PPP1R21: variants seen among roughly 807,000 people sequenced by gnomAD.
PPP1R21 encodes protein phosphatase 1 regulatory subunit 21, also known as KLRAQ motif containing 1.
Under a neutral mutation model 112.8 loss-of-function variants are expected in PPP1R21, and 85 were observed. That is an observed-to-expected ratio of 0.75 (90% confidence interval 0.63 to 0.90). PPP1R21 has a LOEUF of 0.90. Among genes scored for constraint, PPP1R21 ranks in the 40% least tolerant of loss-of-function variants. The pLI is 0.00. For synonymous variants in PPP1R21, 381 were observed against 322.3 expected, an observed-to-expected ratio of 1.18 and a Z score of -1.95; for missense variants, 1,199 against 901.5, an observed-to-expected ratio of 1.33 and a Z score of -4.23.
At chr2:48,458,082 T>C (rs376200723) in intron 3 of PPP1R21, 44 bp from the exon 4 acceptor site, 29 of 1,317,572 alleles carry the variant, frequency 2.2e-5, no homozygotes, top group Middle Eastern at 1.8e-4. Flanking sequence ...GATGTTTCTC[T>C]AAAGGATGAA....
At position 48,458,213 on chromosome 2, in the gene PPP1R21, C is replaced by A; in HGVS notation, c.361C>A (p.Arg121=). The A allele has an allele frequency of 6.2e-7, 1 of 1,607,422 alleles. No individual in the cohort carries two copies. The highest frequency in any genetic ancestry group is 8.5e-7 in the Non-Finnish European group (1 of 1,174,766). ...DLQKKIEENE[R]LHIQFFEADE... Reference sequence around the variant, plus strand: ...GCAAAAGAAGATAGAAGAGAATGAACGGTTGCATATACAAGTGAGAAAATC... The same window carrying A: ...GCAAAAGAAGATAGAAGAGAATGAAAGGTTGCATATACAAGTGAGAAAATC... Residue 121 remains arginine, a synonymous_variant, in exon 4 of 22, where the codon CGG becomes AGG. Transcript: ENST00000294952.
intron 11 of PPP1R21, among the ~76,000 whole-genome samples, chr2:48,473,489 A>C (rs924723149): frequency 1.3e-5 from 2 of 152,164 alleles, no homozygotes; most frequent in Non-Finnish European, 2.9e-5. Flanking sequence ...TTCTTTCTTA[A>C]GCTAAGATTT....
intron 13 of PPP1R21, among the ~76,000 whole-genome samples, chr2:48,483,241 C>A (rs1472775843): frequency 7.6e-5 from 9 of 117,652 alleles, no homozygotes; most frequent in African/African-American, 2.9e-4. Flanking sequence ...CACTCTGTCA[C>A]CCAGGCTGGA....
intron 21 of PPP1R21, among the ~76,000 whole-genome samples, chr2:48,512,669 C>T (rs1402255202): frequency 1.3e-5 from 2 of 152,148 alleles, no homozygotes; most frequent in African/African-American, 4.8e-5. Context: ...AACATAGTTT[C>T]GTGATATTCA....
At chr2:48,478,074 A>G (rs1668839150) in intron 12 of PPP1R21, among the ~76,000 whole-genome samples, 1 of 152,184 alleles carries the variant, frequency 6.6e-6, no homozygotes, top group Non-Finnish European at 1.5e-5. Flanking sequence ...CAGGGATTGG[A>G]GTTATGCTGC....
chr2:48,485,907 GTA>G (rs1558487874), intron 13 of PPP1R21, among the ~76,000 whole-genome samples: 11 of 142,926 alleles, frequency 7.7e-5, no homozygotes, highest in African/African-American at 2.3e-4. Context: ...ATATACAATT[GTA>G]TATACTAACT....
chr2:48,474,823 A>T lies in PPP1R21; in HGVS notation c.1225+4A>T, dbSNP rs1371779579. 6.2e-7 allele frequency: 1 copy of T among 1,611,358 alleles called. No individual in the cohort carries two copies. The highest frequency in any genetic ancestry group is 1.3e-5 in the African/African-American group (1 of 74,726). The stretch of plus-strand genomic sequence containing the variant: ...ATAGCTCTTCTTGCCTTGCCAAGTA[A>T]GTATGTTTGTTGCTTAGGGGTCAAC... On this transcript the variant is annotated splice_donor_region_variant and intron_variant, in intron 12 of 21. Coordinates refer to ENST00000294952, the MANE Select transcript of PPP1R21 (RefSeq NM_001135629.3).
intron 7 of PPP1R21, among the ~76,000 whole-genome samples, chr2:48,464,732 A>C (rs1196971862): frequency 6.6e-6 from 1 of 152,146 alleles, no homozygotes; most frequent in Non-Finnish European, 1.5e-5. Flanking sequence ...GTTTTTTTTA[A>C]GCCTGAAGTT....
At position 48,455,732 on chromosome 2, in the gene PPP1R21, C is replaced by T. The variant is rs572651308; in HGVS notation, c.273+991C>T. On this transcript the variant is annotated intron_variant, in intron 3 of 21. Coordinates refer to ENST00000294952, the MANE Select transcript of PPP1R21 (RefSeq NM_001135629.3). ...AGCGTTACTACTCATATGAAAGTAG[C>T]GGCCGGGCGCGGTGGCTCACGCCTG... Among the ~76,000 whole-genome samples the T allele has an allele frequency of 2.1e-4, 32 of 151,890 alleles. No individual in the cohort carries two copies. In the South Asian group the frequency reaches 6.4e-3, roughly 31 times the overall value.
chr2:48,469,567 C>CATATATATATAT (rs58651401), intron 9 of PPP1R21, among the ~76,000 whole-genome samples: 2 of 87,126 alleles, frequency 2.3e-5, no homozygotes, highest in African/African-American at 8.5e-5. Context: ...AGAGAGAGAG[C>CATATATATATAT]ATATATATAT....
intron 2 of PPP1R21, 105 bp from the exon 3 acceptor site, chr2:48,454,490 C>T: frequency 7.2e-7 from 1 of 1,383,352 alleles, no homozygotes; most frequent in Non-Finnish European, 1.0e-6. Flanking sequence ...TTTCCTAAAG[C>T]AAGAGGTTTT....
At chr2:48,444,612 T>C (rs757982275) in intron 1 of PPP1R21, among the ~76,000 whole-genome samples, 4 of 152,216 alleles carry the variant, frequency 2.6e-5, no homozygotes, top group Non-Finnish European at 5.9e-5. Context: ...TCAATGTTTG[T>C]GTTACCCTGG....
Position 48,458,230 on chromosome 2 carries a change from G to A in PPP1R21, c.375+3G>A. The A allele has an allele frequency of 6.3e-7, 1 of 1,593,352 alleles. No individual in the cohort carries two copies. The highest frequency in any genetic ancestry group is 1.7e-5 in the Admixed American group (1 of 59,690). On this transcript the variant is annotated splice_donor_region_variant and intron_variant, in intron 4 of 21. Coordinates refer to ENST00000294952, the MANE Select transcript of PPP1R21 (RefSeq NM_001135629.3). ...AGAATGAACGGTTGCATATACAAGT[G>A]AGAAAATCTGTTTTTCTATGTGAAT...
intron 13 of PPP1R21, among the ~76,000 whole-genome samples, chr2:48,483,773 T>C (rs1459206991): frequency 6.6e-6 from 1 of 152,138 alleles, no homozygotes; most frequent in Non-Finnish European, 1.5e-5. Flanking sequence ...TAATCCACCA[T>C]GTAACTTCTG....
intron 16 of PPP1R21, 93 bp from the exon 17 acceptor site, chr2:48,498,400 G>GTAGTTTT (rs1669947275): frequency 8.3e-7 from 1 of 1,208,936 alleles, no homozygotes; most frequent in African/African-American, 1.5e-5. Context: ...CCTCTGTGGG[G>GTAGTTTT]TAGTTTTGGT....
chr2:48,496,620 A>G (rs564772492), intron 16 of PPP1R21, among the ~76,000 whole-genome samples: 5 of 152,252 alleles, frequency 3.3e-5, no homozygotes, highest in African/African-American at 1.2e-4. Flanking sequence ...GGTGCATACC[A>G]CCATGCCCGG....
intron 9 of PPP1R21, among the ~76,000 whole-genome samples, chr2:48,466,103 C>T (rs1364611455): frequency 2.0e-5 from 3 of 152,184 alleles, no homozygotes; most frequent in African/African-American, 7.2e-5. Flanking sequence ...GACCCACCCC[C>T]ATCATTCAGT....
At chr2:48,500,961 C>T (rs910914098) in intron 17 of PPP1R21, among the ~76,000 whole-genome samples, 1 of 152,010 alleles carries the variant, frequency 6.6e-6, no homozygotes, top group Non-Finnish European at 1.5e-5. Flanking sequence ...GTTTGTTGAC[C>T]ATGAATGTTC....
intron 1 of PPP1R21, chr2:48,441,277 C>A (rs1416140656): frequency 7.5e-6 from 4 of 533,344 alleles, no homozygotes; most frequent in Non-Finnish European, 1.4e-5. Context: ...GGGCTTGGGA[C>A]TGGGATGTCA....
Sources: gnomAD v4.1 joint callset for allele counts (sites outside exome capture counted in the v4.1 genomes callset) on GRCh38, gnomAD v4.1.1 for gene constraint, MANE v1.5 for transcripts, NCBI Gene and HGNC (gene_info 2026-07-23, HGNC 2026-07-21) for gene names.